NRG1: variants seen among roughly 807,000 people sequenced by gnomAD.
NRG1 encodes the protein neuregulin 1, also known as pro-neuregulin-1, membrane-bound isoform.
NRG1 carries 18 observed loss-of-function variants against 63.8 expected under a neutral mutation model. That is an observed-to-expected ratio of 0.28 (90% CI 0.19 to 0.42). NRG1 has a LOEUF of 0.42. Ranked by LOEUF, NRG1 falls within the 10% of genes least tolerant of loss-of-function variation. The probability of loss-of-function intolerance (pLI) is 1.00; values close to 1 mark genes in which losing one functional copy is unlikely to be tolerated. For missense variants in NRG1, 762 were observed against 814.7 expected, an observed-to-expected ratio of 0.94 and a Z score of 0.79; for synonymous variants, 302 against 301.3, an observed-to-expected ratio of 1.00 and a Z score of -0.02.
At chr8:32,061,399 T>C (rs1279369531) in intron 1 of NRG1, among the ~76,000 whole-genome samples, 2 of 152,054 alleles carry the variant, frequency 1.3e-5, no homozygotes, top group Non-Finnish European at 2.9e-5. Context: ...TTTCTCAATG[T>C]ATCATTTTGT....
At chr8:31,802,369 C>G (rs1169201022) in intron 1 of NRG1, among the ~76,000 whole-genome samples, 1 of 152,122 alleles carries the variant, frequency 6.6e-6, no homozygotes, top group Non-Finnish European at 1.5e-5. Flanking sequence ...GAATTTGCCA[C>G]TACAAAATGC....
At chr8:32,254,437 C>T (rs961629842) in intron 1 of NRG1, among the ~76,000 whole-genome samples, 2 of 152,128 alleles carry the variant, frequency 1.3e-5, no homozygotes, top group Non-Finnish European at 2.9e-5. Flanking sequence ...TCATTATTTA[C>T]CCAGTAGTCA....
chr8:31,984,809 TA>T (rs2129631375), intron 1 of NRG1, among the ~76,000 whole-genome samples: 1 of 152,278 alleles, frequency 6.6e-6, no homozygotes, highest in Non-Finnish European at 1.5e-5. Context: ...TCCCAACGCA[TA>T]AAGGGATCTT....
At chr8:32,158,086 G>C (rs1215590650) in intron 1 of NRG1, among the ~76,000 whole-genome samples, 1 of 152,096 alleles carries the variant, frequency 6.6e-6, no homozygotes, top group Non-Finnish European at 1.5e-5. Flanking sequence ...TTGTAGGATG[G>C]AAGGAGAGAT....
intron 1 of NRG1, among the ~76,000 whole-genome samples, chr8:31,743,204 C>T (rs1408321966): frequency 3.3e-5 from 5 of 152,054 alleles, no homozygotes; most frequent in Non-Finnish European, 7.4e-5. Context: ...CTTCCCCTCT[C>T]TCCAGAGTGG....
At chr8:32,646,851 A>G (rs1853652272) in intron 5 of NRG1, 2 of 984,374 alleles carry the variant, frequency 2.0e-6, no homozygotes, top group Non-Finnish European at 2.4e-6. Flanking sequence ...TACTCAGACC[A>G]GCCTGCAGCT....
intron 1 of NRG1, among the ~76,000 whole-genome samples, chr8:31,837,724 T>C (rs1337180017): frequency 1.3e-5 from 2 of 152,122 alleles, no homozygotes. Flanking sequence ...ATGAGTGAGA[T>C]CATGTTGTAT....
At chr8:32,376,272 A>G (rs969021576) in intron 1 of NRG1, among the ~76,000 whole-genome samples, 1 of 152,338 alleles carries the variant, frequency 6.6e-6, no homozygotes, top group Admixed American at 6.5e-5. Flanking sequence ...ATCCTAGCTC[A>G]GGTCACAGAT....
chr8:32,107,877 A>T (rs1475426668), intron 1 of NRG1, among the ~76,000 whole-genome samples: 1 of 152,156 alleles, frequency 6.6e-6, no homozygotes, highest in Non-Finnish European at 1.5e-5. Context: ...TTCTTTTTAA[A>T]AAACTTATTG....
chr8:31,772,559 A>G (rs1175410289), intron 1 of NRG1, among the ~76,000 whole-genome samples: 1 of 152,108 alleles, frequency 6.6e-6, no homozygotes, highest in Non-Finnish European at 1.5e-5. Flanking sequence ...TTGGTCTTCT[A>G]GGACCCTCTG....
chr8:31,986,820 G>C (rs997699228), intron 1 of NRG1, among the ~76,000 whole-genome samples: 9 of 152,066 alleles, frequency 5.9e-5, no homozygotes, highest in African/African-American at 2.2e-4. Flanking sequence ...GTCTAAATCT[G>C]AGGTAATCAT....
At chr8:31,742,886 A>G (rs1410005112) in intron 1 of NRG1, among the ~76,000 whole-genome samples, 7 of 151,980 alleles carry the variant, frequency 4.6e-5, no homozygotes, top group African/African-American at 1.7e-4. Flanking sequence ...ACAGAACTCA[A>G]TGGCATAGGC....
At chr8:32,054,855 C>CTTTTT (rs1822590267) in intron 1 of NRG1, among the ~76,000 whole-genome samples, 1 of 56,306 alleles carries the variant, frequency 1.8e-5, no homozygotes, top group African/African-American at 7.5e-5. Context: ...AAGCAGATTT[C>CTTTTT]TTTCTTTCTT....
chr8:31,755,145 A>G (rs1816842751), intron 1 of NRG1, among the ~76,000 whole-genome samples: 1 of 151,982 alleles, frequency 6.6e-6, no homozygotes, highest in African/African-American at 2.4e-5. Context: ...CCCACTAATG[A>G]CTAGTTTTTG....
At position 32,400,998 on chromosome 8, in the gene NRG1, G is replaced by A. The variant is rs533959340; in HGVS notation, c.38-194830G>A. 3.3e-5 allele frequency among the ~76,000 whole-genome samples: 5 copies of A among 152,290 alleles called. No homozygotes were observed. The East Asian group carries it at 9.7e-4, about 29-fold the overall frequency. On this transcript the variant is annotated intron_variant, in intron 1 of 10. Transcript: ENST00000519301. ...GGGATCATGTCCTTTGCAGGAACAT[G>A]GATGGAGCTGGAGGCCATTATCCTA... is the stretch of plus-strand genomic sequence containing the variant.
At chr8:32,241,862 A>C (rs1261273756) in intron 1 of NRG1, among the ~76,000 whole-genome samples, 1 of 151,626 alleles carries the variant, frequency 6.6e-6, no homozygotes, top group South Asian at 2.1e-4. Flanking sequence ...GGGCTTAAGC[A>C]ATCCTCCCAC....
chr8:31,859,375 C>A (rs1828252938), intron 1 of NRG1, among the ~76,000 whole-genome samples: 1 of 152,118 alleles, frequency 6.6e-6, no homozygotes, highest in East Asian at 1.9e-4. Flanking sequence ...ATCTGAGGTG[C>A]AGTCATTTTT....
chr8:32,725,467 T>C (rs994117914), intron 5 of NRG1, among the ~76,000 whole-genome samples: 5 of 71,736 alleles, frequency 7.0e-5, no homozygotes, highest in Admixed American at 1.3e-4. Context: ...CTTCCTAATT[T>C]TTTTTTTTTT....
At position 31,855,290 on chromosome 8, in the gene NRG1, G is replaced by T. The variant is rs186112685; in HGVS notation, c.37+215859G>T. Among the ~76,000 whole-genome samples the T allele has an allele frequency of 1.8e-3, 268 of 152,202 alleles. 2 individuals are homozygous for T. The highest frequency in any genetic ancestry group is 2.6e-3 in the Non-Finnish European group (177 of 68,008). ...CTCAGGACTTGCATTATGAATCTGG[G>T]GGCTCCTGTATTGGGTGCATATATG... On this transcript the variant is annotated intron_variant, in intron 1 of 10. Transcript: ENST00000519301.
Sources: allele counts gnomAD v4.1 joint callset (sites outside exome capture counted in the v4.1 genomes callset), GRCh38; gene constraint gnomAD v4.1.1; transcripts MANE v1.5; gene names NCBI Gene and HGNC (gene_info 2026-07-23, HGNC 2026-07-21).